The following ATP2C1 variants were observed in gnomAD, a reference collection of about 807,000 sequenced individuals.
ATP2C1 encodes ATPase secretory pathway Ca2+ transporting 1, also known as calcium-transporting ATPase type 2C member 1.
In ATP2C1, 31 loss-of-function variants were observed where a neutral mutation model predicts 120.5. That is an observed-to-expected ratio of 0.26 (90% CI 0.19 to 0.35). ATP2C1 has a LOEUF of 0.35. Ranked by LOEUF, ATP2C1 falls within the 10% of genes least tolerant of loss-of-function variation. ATP2C1 has a pLI of 1.00. For missense variants in ATP2C1, 731 were observed against 1,107.5 expected (o/e 0.66, Z 4.83); for synonymous variants, 351 against 358.7 (o/e 0.98, Z 0.24).
At chr3:131,007,408 G>C (rs895153711), downstream of ATP2C1, among the ~76,000 whole-genome samples, 1 of 152,200 alleles carries the variant, frequency 6.6e-6, no homozygotes, top group Non-Finnish European at 1.5e-5. Context: ...TGTTAGGCCT[G>C]ACAGAACTTC....
chr3:131,003,505 A>G (rs114518680), downstream of ATP2C1, among the ~76,000 whole-genome samples: 760 of 152,354 alleles, frequency 5.0e-3, 11 homozygotes, highest in African/African-American at 0.017. Flanking sequence ...GGAAGAAAAG[A>G]AAAGAACTTA....
intron 8 of ATP2C1, among the ~76,000 whole-genome samples, chr3:130,946,378 C>CG (rs2060156357): frequency 6.6e-6 from 1 of 152,168 alleles, no homozygotes; most frequent in South Asian, 2.1e-4. Context: ...CTGGTGTTTT[C>CG]AGGGCTTGTT....
chr3:130,993,303 A>G (rs2062441623), intron 21 of ATP2C1, among the ~76,000 whole-genome samples: 2 of 152,218 alleles, frequency 1.3e-5, no homozygotes, highest in South Asian at 4.1e-4. Flanking sequence ...AATAGCAGTA[A>G]TTAGTTAGAA....
At chr3:130,857,778 G>T (rs1000871231) in intron 1 of ATP2C1, among the ~76,000 whole-genome samples, 6 of 152,198 alleles carry the variant, frequency 3.9e-5, no homozygotes, top group Non-Finnish European at 8.8e-5. Flanking sequence ...GACAGAACTA[G>T]AGGATATTTG....
chr3:130,896,749 A>T (rs2069666583), intron 2 of ATP2C1, among the ~76,000 whole-genome samples: 1 of 152,174 alleles, frequency 6.6e-6, no homozygotes, highest in Non-Finnish European at 1.5e-5. Context: ...CTGAGCCTGT[A>T]TTTCTTCATC....
At chr3:130,913,256 ATAAATT>A (rs1427701401) in intron 2 of ATP2C1, among the ~76,000 whole-genome samples, 1 of 151,948 alleles carries the variant, frequency 6.6e-6, no homozygotes, top group African/African-American at 2.4e-5. Flanking sequence ...TAAAAAATAA[ATAAATT>A]TAAAAAAAAA....
chr3:131,001,234 T>C lies in ATP2C1; in HGVS notation c.2644T>C (p.Leu882=). The part of the protein sequence containing the change: ...SLSILDLLFL[L]GLTSSVCIVA... Reference sequence around the variant, plus strand: ...TTCTCTTGCAGATCTGTTGTTTCTTTTGGGTCTCACCTCATCAGTGTGCAT... The same window carrying C: ...TTCTCTTGCAGATCTGTTGTTTCTTCTGGGTCTCACCTCATCAGTGTGCAT... The change falls in exon 28 of 28, where the codon TTG becomes CTG. Residue 882 remains leucine (L), a synonymous_variant. Coordinates refer to ENST00000510168, the MANE Select transcript of ATP2C1 (RefSeq NM_001378687.1). 6.2e-6 allele frequency: 10 copies of C among 1,613,928 alleles called. No individual in the cohort carries two copies. Among genetic ancestry groups the C allele is most frequent in the Non-Finnish European group, 8.5e-6 (10 of 1,179,884 alleles).
At chr3:130,878,945 G>C (rs2068694213) in intron 1 of ATP2C1, among the ~76,000 whole-genome samples, 1 of 152,038 alleles carries the variant, frequency 6.6e-6, no homozygotes, top group Admixed American at 6.6e-5. Flanking sequence ...GAATTTTTCA[G>C]CTATTATTTT....
intron 1 of ATP2C1, among the ~76,000 whole-genome samples, chr3:130,866,592 T>C (rs1462817705): frequency 6.7e-6 from 1 of 149,890 alleles, no homozygotes; most frequent in East Asian, 2.0e-4. Context: ...TATCACTGAA[T>C]TGCTAACTTT....
intron 5 of ATP2C1, among the ~76,000 whole-genome samples, chr3:130,935,955 C>T (rs1447964982): frequency 6.6e-6 from 1 of 152,176 alleles, no homozygotes. Context: ...ACTTGAAAGA[C>T]TGACTCATAG....
intron 8 of ATP2C1, 72 bp downstream of exon 8, chr3:130,941,771 T>G: frequency 8.1e-7 from 1 of 1,234,128 alleles, no homozygotes; most frequent in Non-Finnish European, 1.2e-6. Context: ...TTACTAGTTT[T>G]AAGGAATTAA....
At chr3:130,958,464 A>G (rs900016688) in intron 11 of ATP2C1, among the ~76,000 whole-genome samples, 1 of 152,006 alleles carries the variant, frequency 6.6e-6, no homozygotes, top group Non-Finnish European at 1.5e-5. Flanking sequence ...TCATGATAGT[A>G]TTTGGGATAG....
chr3:130,970,046 G>A (rs746203541), intron 17 of ATP2C1, among the ~76,000 whole-genome samples: 5 of 152,142 alleles, frequency 3.3e-5, no homozygotes, highest in Admixed American at 2.0e-4. Context: ...GGCTGGATGC[G>A]GTAGCTCACG....
rs1305601596 is a variant in ATP2C1, at chr3:130,941,661, G to A, written c.493G>A (p.Val165Ile). 1 of 1,614,000 alleles carries A rather than the reference G, an allele frequency of 6.2e-7. No individual in the cohort carries two copies. Among genetic ancestry groups the A allele is most frequent in the Admixed American group, 1.7e-5 (1 of 60,008 alleles). The change falls in exon 8 of 28, where the codon GTT becomes ATT. Residue 165 changes from valine to isoleucine, a missense_variant. By Grantham distance (29) the Val-to-Ile change is conservative. Around this residue, in one of 3 missense-constraint regions of ATP2C1, gnomAD observed 571 missense variants for 845.9 expected, o/e 0.67. Coordinates refer to ENST00000510168, the MANE Select transcript of ATP2C1 (RefSeq NM_001378687.1). ...LVPGDTVCLS[V>I]GDRVPADLRL... ...TCCAGGTGATACAGTTTGCCTTTCT[G>A]TTGGGGATAGAGTTCCTGCTGACTT...
chr3:130,969,222 C>G, intron 16 of ATP2C1, 70 bp from the exon 17 acceptor site: 1 of 1,064,892 alleles, frequency 9.4e-7, no homozygotes, highest in South Asian at 1.3e-5. Flanking sequence ...AAGTGGTGAC[C>G]CTTGTTCTTT....
intron 1 of ATP2C1, among the ~76,000 whole-genome samples, chr3:130,872,234 T>G (rs550281181): frequency 1.3e-5 from 2 of 152,298 alleles, no homozygotes; most frequent in South Asian, 4.1e-4. Context: ...AGGTCTTAAT[T>G]AAAAGAAACA....
chr3:130,852,963 A>G (rs1214975562), intron 1 of ATP2C1, among the ~76,000 whole-genome samples: 1 of 148,286 alleles, frequency 6.7e-6, no homozygotes, highest in Non-Finnish European at 1.5e-5. Flanking sequence ...TAATAGCAAA[A>G]TATCACCCTG....
At chr3:130,889,179 T>G (rs2069081356), upstream of ATP2C1, among the ~76,000 whole-genome samples, 1 of 152,104 alleles carries the variant, frequency 6.6e-6, no homozygotes. Flanking sequence ...GACACGCCAA[T>G]TAACCTAACA....
At chr3:130,946,703 G>A (rs2060169335) in intron 8 of ATP2C1, among the ~76,000 whole-genome samples, 1 of 152,048 alleles carries the variant, frequency 6.6e-6, no homozygotes. Context: ...AAATACTCTG[G>A]TAAAACCCAG....
Sources: gnomAD v4.1 joint callset for allele counts (sites outside exome capture counted in the v4.1 genomes callset) on GRCh38, gnomAD v4.1.1 for gene constraint, gnomAD v4.1.1 regional missense constraint, MANE v1.5 for transcripts, NCBI Gene and HGNC (gene_info 2026-07-23, HGNC 2026-07-21) for gene names.